The following SLC27A6 variants were observed in gnomAD, a reference collection of about 807,000 sequenced individuals.
The protein encoded by SLC27A6 is solute carrier family 27 member 6, also known as long-chain fatty acid transport protein 6.
A neutral mutation model predicts 63.9 loss-of-function variants in SLC27A6; 74 were observed. The observed-to-expected ratio is 1.16, with a 90% CI of 0.96 to 1.40. The LOEUF is 1.40. Ranked by LOEUF, SLC27A6 falls within the 40% of genes most tolerant of loss-of-function variation. The pLI is 0.00. For missense variants in SLC27A6, 794 were observed against 732.9 expected (o/e 1.08, Z -0.96); for synonymous variants, 287 against 260.8 (o/e 1.10, Z -0.97).
chr5:128,973,532 C>A (rs1750265887), intron 1 of SLC27A6, among the ~76,000 whole-genome samples: 1 of 152,220 alleles, frequency 6.6e-6, no homozygotes, highest in Admixed American at 6.5e-5. Context: ...TCTCGGACTG[C>A]TGTGCTAGCA....
At chr5:129,002,325 T>A (rs1163904383) in intron 4 of SLC27A6, among the ~76,000 whole-genome samples, 1 of 152,234 alleles carries the variant, frequency 6.6e-6, no homozygotes, top group East Asian at 1.9e-4. Flanking sequence ...ACAAAACCAC[T>A]GAATTAGAAA....
chr5:128,979,733 G>C lies in SLC27A6; in HGVS notation c.482-5400G>C, dbSNP rs142817271. On this transcript the variant is annotated intron_variant, in intron 1 of 9. Coordinates refer to ENST00000262462, the MANE Select transcript of SLC27A6 (RefSeq NM_001017372.3). ...TATAATAATATAATGTATAAATTGT[G>C]TTATTATATTATAATAATATTCAAT... 1.1e-4 allele frequency among the ~76,000 whole-genome samples: 17 copies of C among 152,146 alleles called. 1 individual carries two copies. Among genetic ancestry groups the C allele is most frequent in the Non-Finnish European group, 2.4e-4 (16 of 68,014 alleles).
At chr5:128,998,341 A>G (rs1176523494) in intron 4 of SLC27A6, among the ~76,000 whole-genome samples, 2 of 150,544 alleles carry the variant, frequency 1.3e-5, no homozygotes, top group Non-Finnish European at 2.9e-5. Context: ...ATAAAATTAG[A>G]GTAATTTTGT....
chr5:129,004,730 G>T (rs1408484248), intron 4 of SLC27A6, among the ~76,000 whole-genome samples: 1 of 152,204 alleles, frequency 6.6e-6, no homozygotes, highest in Non-Finnish European at 1.5e-5. Context: ...ATATTACCAA[G>T]ATTTGGTTGT....
intron 4 of SLC27A6, among the ~76,000 whole-genome samples, chr5:128,999,237 A>G (rs1751254429): frequency 1.3e-5 from 2 of 152,180 alleles, no homozygotes; most frequent in Admixed American, 6.5e-5. Flanking sequence ...ATCATATTGA[A>G]TATGCCAAAA....
intron 4 of SLC27A6, among the ~76,000 whole-genome samples, chr5:129,002,840 G>C (rs1203766217): frequency 6.6e-6 from 1 of 152,166 alleles, no homozygotes; most frequent in African/African-American, 2.4e-5. Flanking sequence ...ACAATACTTT[G>C]ATATGGGGGC....
chr5:128,967,902 C>T (rs902789797), intron 1 of SLC27A6, among the ~76,000 whole-genome samples: 19 of 151,974 alleles, frequency 1.3e-4, no homozygotes, highest in Non-Finnish European at 2.5e-4. Flanking sequence ...CTAATGCTAT[C>T]CCTCCCCACT....
intron 1 of SLC27A6, among the ~76,000 whole-genome samples, chr5:128,972,796 A>T (rs576260854): frequency 6.6e-6 from 1 of 152,270 alleles, no homozygotes; most frequent in South Asian, 2.1e-4. Flanking sequence ...TTCTCCATCC[A>T]GTTTTGTTCC....
intron 1 of SLC27A6, 72 bp from the exon 2 acceptor site, chr5:128,985,061 C>A: frequency 1.8e-6 from 2 of 1,096,208 alleles, no homozygotes; most frequent in Non-Finnish European, 2.7e-6. Flanking sequence ...TTTCAATACA[C>A]AAAAGCAACT....
At chr5:128,967,317 G>A (rs1170491448) in intron 1 of SLC27A6, among the ~76,000 whole-genome samples, 1 of 152,152 alleles carries the variant, frequency 6.6e-6, no homozygotes, top group African/African-American at 2.4e-5. Flanking sequence ...GGGTTTAGTG[G>A]CTAATTAGTA....
At chr5:129,002,472 TGTTCCTTCCCTCTCTC>T (rs527490298) in intron 4 of SLC27A6, among the ~76,000 whole-genome samples, 5 of 94,632 alleles carry the variant, frequency 5.3e-5, no homozygotes, top group African/African-American at 1.7e-4. Context: ...TTCCCTCTCT[TGTTCCTTCCCTCTCTC>T]GTTCCTTCCC....
intron 4 of SLC27A6, among the ~76,000 whole-genome samples, chr5:129,000,841 C>T (rs1751307992): frequency 6.6e-6 from 1 of 152,204 alleles, no homozygotes; most frequent in Non-Finnish European, 1.5e-5. Context: ...TACAAGGTGC[C>T]TTTGAATGTT....
chr5:129,015,999 G>A lies in SLC27A6; in HGVS notation c.1084G>A (p.Ala362Thr). The change falls in exon 5 of 10, where the codon GCA (alanine) becomes ACA (threonine). Residue 362 changes from alanine to threonine, a missense_variant. Physicochemically the swap from Ala to Thr is moderately conservative, Grantham distance 58. Transcript: ENST00000262462. ...FGNIKVCELYAATESSISFMN... is the reference protein window; with the variant it reads ...FGNIKVCELYTATESSISFMN... ...AAATATAAAGGTGTGTGAACTTTAT[G>A]CAGCTACCGAATCAAGCATATCTTT... is the stretch of plus-strand genomic sequence containing the variant. 6.2e-7 allele frequency: 1 copy of A among 1,610,566 alleles called. No homozygotes were observed. The highest frequency in any genetic ancestry group is 1.7e-5 in the Admixed American group (1 of 59,094).
intron 5 of SLC27A6, 77 bp from the exon 6 acceptor site, chr5:129,023,543 T>A (rs556297115): frequency 2.0e-6 from 2 of 993,402 alleles, no homozygotes; most frequent in South Asian, 2.9e-5. Flanking sequence ...TACAGTAGAC[T>A]AAATTGCTTG....
intron 4 of SLC27A6, among the ~76,000 whole-genome samples, chr5:129,000,619 G>T (rs185769939): frequency 6.6e-6 from 1 of 152,174 alleles, no homozygotes; most frequent in African/African-American, 2.4e-5. Context: ...ATGCATTCAG[G>T]TCACTGCAGA....
At chr5:128,999,693 C>G (rs150941251) in intron 4 of SLC27A6, among the ~76,000 whole-genome samples, 244 of 152,146 alleles carry the variant, frequency 1.6e-3, no homozygotes, top group African/African-American at 5.5e-3. Flanking sequence ...TTCAGTACAC[C>G]AGGACTTTCC....
At chr5:128,966,658 C>A in intron 1 of SLC27A6, 40 bp downstream of exon 1, 1 of 1,427,798 alleles carries the variant, frequency 7.0e-7, no homozygotes, top group Non-Finnish European at 9.1e-7. Flanking sequence ...AGAATGGCAG[C>A]CCACCTGCTT....
At chr5:128,976,736 T>G (rs1750399878) in intron 1 of SLC27A6, among the ~76,000 whole-genome samples, 1 of 152,182 alleles carries the variant, frequency 6.6e-6, no homozygotes, top group African/African-American at 2.4e-5. Context: ...CATGCATTAT[T>G]TTGTGTTTAT....
At chr5:129,001,769 T>G (rs1751342536) in intron 4 of SLC27A6, among the ~76,000 whole-genome samples, 1 of 152,224 alleles carries the variant, frequency 6.6e-6, no homozygotes, top group African/African-American at 2.4e-5. Context: ...TTCACTTTTC[T>G]TAGGCATATA....
Sources: allele counts gnomAD v4.1 joint callset (sites outside exome capture counted in the v4.1 genomes callset), GRCh38; gene constraint gnomAD v4.1.1; transcripts MANE v1.5; gene names NCBI Gene and HGNC (gene_info 2026-07-23, HGNC 2026-07-21).